The following KSR2 variants were observed in gnomAD, a reference collection of about 807,000 sequenced individuals.
KSR2 encodes the protein kinase suppressor of ras 2.
KSR2 carries 25 observed loss-of-function variants against 107.8 expected under a neutral mutation model. The observed-to-expected ratio is 0.23, with a 90% CI of 0.17 to 0.32. The LOEUF (loss-of-function observed/expected upper bound fraction) is 0.32. Among genes scored for constraint, KSR2 ranks in the 10% least tolerant of loss-of-function variants. The pLI, the probability that KSR2 is intolerant of heterozygous loss-of-function variation, is 1.00. For synonymous variants in KSR2, 480 were observed against 507.0 expected (o/e 0.95, Z 0.71); for missense variants, 887 against 1,268.9 (o/e 0.70, Z 4.57).
intron 4 of KSR2, among the ~76,000 whole-genome samples, chr12:117,744,488 T>G (rs955631620): frequency 1.3e-5 from 2 of 152,118 alleles, no homozygotes; most frequent in Admixed American, 1.3e-4. Context: ...AATGCCTGAA[T>G]TAAAGCCCGA....
intron 5 of KSR2, among the ~76,000 whole-genome samples, chr12:117,642,324 A>C (rs1351043601): frequency 6.6e-6 from 1 of 152,210 alleles, no homozygotes; most frequent in Non-Finnish European, 1.5e-5. Flanking sequence ...CACTCAAAAA[A>C]TGTTTCTGAT....
intron 4 of KSR2, among the ~76,000 whole-genome samples, chr12:117,718,911 G>A (rs926008981): frequency 9.8e-5 from 15 of 152,304 alleles, no homozygotes; most frequent in Middle Eastern, 3.4e-3. Context: ...TGATGATTTA[G>A]AGTCACTATC....
intron 3 of KSR2, among the ~76,000 whole-genome samples, chr12:117,772,432 C>A (rs1889524303): frequency 7.0e-6 from 1 of 142,756 alleles, no homozygotes. Context: ...ACCATTCCCC[C>A]AAAGATGCAC....
chr12:117,836,030 C>T (rs1055703783), intron 3 of KSR2, among the ~76,000 whole-genome samples: 2 of 152,148 alleles, frequency 1.3e-5, no homozygotes, highest in Non-Finnish European at 2.9e-5. Flanking sequence ...AGTCTAGAAA[C>T]TTGCCCACTC....
intron 1 of KSR2, among the ~76,000 whole-genome samples, chr12:117,867,454 G>A (rs1392080393): frequency 2.0e-5 from 3 of 152,144 alleles, no homozygotes; most frequent in Admixed American, 6.5e-5. Context: ...CACCCCTCCT[G>A]TGTCCATACC....
intron 3 of KSR2, among the ~76,000 whole-genome samples, chr12:117,764,190 C>T (rs536260779): frequency 4.6e-4 from 69 of 150,924 alleles, no homozygotes; most frequent in Admixed American, 4.6e-3. Flanking sequence ...ACAGCCTAGC[C>T]ATCATCCCTA....
chr12:117,723,266 A>C (rs139662329), intron 4 of KSR2, among the ~76,000 whole-genome samples: 18 of 152,264 alleles, frequency 1.2e-4, no homozygotes, highest in African/African-American at 4.3e-4. Flanking sequence ...AAAATGGAAA[A>C]GAAGACATTC....
At chr12:117,777,088 TTATA>T (rs1288633301) in intron 3 of KSR2, among the ~76,000 whole-genome samples, 5 of 132,566 alleles carry the variant, frequency 3.8e-5, no homozygotes, top group African/African-American at 1.6e-4. Flanking sequence ...TATATATATT[TTATA>T]TATATATATA....
rs1380749627 is a variant in KSR2, at chr12:117,968,930, G to C, written c.-675C>G. On this transcript the variant is annotated 5_prime_UTR_variant, in exon 1 of 20. Coordinates refer to ENST00000339824, the MANE Select transcript of KSR2 (RefSeq NM_173598.6). ...CTGCTGCTGCCGCCGCCGGGCTCCG[G>C]GGGTGACGGTTGCTGCAATCGCTCC... is the stretch of plus-strand genomic sequence containing the variant. The C allele has an allele frequency of 7.9e-6, 2 of 251,716 alleles. No homozygotes were observed. The highest frequency in any genetic ancestry group is 2.4e-5 in the African/African-American group (1 of 42,492). 15.6% of individuals were successfully genotyped at this position (251,716 alleles called of 1,614,324 possible). A position where few individuals can be genotyped will look rare whatever the true frequency, so the allele number is the denominator to read the frequency against.
chr12:117,483,467 A>G (rs187976296), intron 16 of KSR2, among the ~76,000 whole-genome samples: 1 of 152,282 alleles, frequency 6.6e-6, no homozygotes, highest in East Asian at 1.9e-4. Flanking sequence ...GGCTTTCTGG[A>G]AAGATGCACC....
chr12:117,868,980 C>T (rs973796777), intron 1 of KSR2, among the ~76,000 whole-genome samples: 3 of 151,890 alleles, frequency 2.0e-5, no homozygotes, highest in Admixed American at 1.3e-4. Flanking sequence ...CTCGAACTCC[C>T]GACCTCAGGT....
At chr12:117,665,486 T>C (rs1323976281) in intron 5 of KSR2, among the ~76,000 whole-genome samples, 2 of 152,132 alleles carry the variant, frequency 1.3e-5, no homozygotes, top group East Asian at 1.9e-4. Flanking sequence ...CAAGGACAGA[T>C]GGCTGTTAGA....
intron 4 of KSR2, among the ~76,000 whole-genome samples, chr12:117,672,180 G>A (rs1052341358): frequency 2.0e-5 from 3 of 152,172 alleles, no homozygotes; most frequent in African/African-American, 4.8e-5. Flanking sequence ...TTCATCCCAC[G>A]CAAATGCTCA....
At chr12:117,607,481 C>T (rs1040062965) in intron 5 of KSR2, among the ~76,000 whole-genome samples, 1 of 152,206 alleles carries the variant, frequency 6.6e-6, no homozygotes, top group Non-Finnish European at 1.5e-5. Flanking sequence ...CACTGCCCTC[C>T]ATCCCATCAG....
chr12:117,850,019 A>G (rs1359731194), intron 3 of KSR2, among the ~76,000 whole-genome samples: 2 of 152,252 alleles, frequency 1.3e-5, no homozygotes, highest in Non-Finnish European at 2.9e-5. Flanking sequence ...TTTATTCCTC[A>G]GTCTGGGATA....
rs867062836 is a variant in KSR2 at position 117,897,655 on chromosome 12, G to A, written c.181-37224C>T. ...TCCCCTTTGGTACAAAAATAAGCACGAGGTTGGTAATTTTCCTATTTTTTT... is the reference window on the plus strand; with the variant it reads ...TCCCCTTTGGTACAAAAATAAGCACAAGGTTGGTAATTTTCCTATTTTTTT... On this transcript the variant is annotated intron_variant, in intron 1 of 19. Transcript: ENST00000339824. This position sits in a 1 kb window ranked among gnomAD's most constrained non-coding sequence, Gnocchi z 4.5. Among the ~76,000 whole-genome samples the A allele has an allele frequency of 2.6e-5, 4 of 152,066 alleles. No homozygotes were observed. Among genetic ancestry groups the A allele is most frequent in the South Asian group, 2.1e-4 (1 of 4,812 alleles).
At chr12:117,689,384 A>G (rs1885721654) in intron 4 of KSR2, among the ~76,000 whole-genome samples, 1 of 152,218 alleles carries the variant, frequency 6.6e-6, no homozygotes. Flanking sequence ...CATTAAAAAG[A>G]ATGAGGTGGT....
intron 14 of KSR2, among the ~76,000 whole-genome samples, chr12:117,500,989 G>T (rs1338843279): frequency 6.6e-6 from 1 of 152,260 alleles, no homozygotes; most frequent in Non-Finnish European, 1.5e-5. Flanking sequence ...AGATACTGAG[G>T]CTTGGTAGAA....
intron 14 of KSR2, among the ~76,000 whole-genome samples, chr12:117,511,753 A>G (rs1874037197): frequency 6.6e-6 from 1 of 152,120 alleles, no homozygotes; most frequent in Admixed American, 6.6e-5. Context: ...CAAGTGACCA[A>G]CTTCCCTTCC....
Sources: gnomAD v4.1 joint callset for allele counts (sites outside exome capture counted in the v4.1 genomes callset) on GRCh38, gnomAD v4.1.1 for gene constraint, Gnocchi (gnomAD v3.1) non-coding constraint, MANE v1.5 for transcripts, NCBI Gene and HGNC (gene_info 2026-07-23, HGNC 2026-07-21) for gene names.